Variants in LARGE1 observed in about 807,000 individuals in gnomAD.
The protein encoded by LARGE1 is LARGE xylosyl- and glucuronyltransferase 1, also known as xylosyl- and glucuronyltransferase LARGE1.
LARGE1 carries 43 observed loss-of-function variants against 87.6 expected under a neutral mutation model. That is an observed-to-expected ratio of 0.49 (90% confidence interval 0.38 to 0.63). The LOEUF (loss-of-function observed/expected upper bound fraction) is 0.63. Ranked by LOEUF, LARGE1 falls within the 30% of genes least tolerant of loss-of-function variation. LARGE1 has a pLI of 0.00. For synonymous variants in LARGE1, 434 were observed against 394.6 expected (o/e 1.10, Z -1.18); for missense variants, 802 against 1,000.2 (o/e 0.80, Z 2.67).
At chr22:33,566,557 C>T (rs1265013159) in intron 5 of LARGE1, among the ~76,000 whole-genome samples, 3 of 152,142 alleles carry the variant, frequency 2.0e-5, no homozygotes, top group Non-Finnish European at 4.4e-5. Context: ...TTAAAGGTGG[C>T]GCAGACCCAA....
At chr22:33,308,490 A>G (rs1273795043) in intron 11 of LARGE1, among the ~76,000 whole-genome samples, 1 of 152,224 alleles carries the variant, frequency 6.6e-6, no homozygotes, top group Non-Finnish European at 1.5e-5. Context: ...CCTTTGGTAG[A>G]TTACAAAATA....
chr22:33,583,788 A>G (rs1445309649), intron 5 of LARGE1, among the ~76,000 whole-genome samples: 4 of 152,230 alleles, frequency 2.6e-5, no homozygotes, highest in Non-Finnish European at 5.9e-5. Context: ...TTCAGTACAC[A>G]CATATCTCCC....
intron 2 of LARGE1, chr22:33,733,502 C>T (rs950651294): frequency 1.3e-5 from 2 of 152,172 alleles, no homozygotes; most frequent in Non-Finnish European, 2.9e-5. Flanking sequence ...GACTGCCTGC[C>T]AAAGAGACTC....
chr22:33,452,102 G>A (rs117970561), intron 6 of LARGE1, among the ~76,000 whole-genome samples: 285 of 152,302 alleles, frequency 1.9e-3, no homozygotes, highest in Non-Finnish European at 3.4e-3. Context: ...TTATTGAGAG[G>A]TGACTATACG....
At chr22:33,738,095 A>G (rs1335630075) in intron 2 of LARGE1, among the ~76,000 whole-genome samples, 1 of 152,194 alleles carries the variant, frequency 6.6e-6, no homozygotes, top group East Asian at 1.9e-4. Flanking sequence ...TTACAATAAT[A>G]CATGTATTTC....
chr22:33,501,080 G>A (rs1355775175), intron 6 of LARGE1, among the ~76,000 whole-genome samples: 3 of 152,192 alleles, frequency 2.0e-5, no homozygotes, highest in Non-Finnish European at 4.4e-5. Context: ...ATCAAAGACG[G>A]AGGGTGGAGG....
chr22:33,516,370 C>T (rs1052230269), intron 6 of LARGE1, among the ~76,000 whole-genome samples: 1 of 152,094 alleles, frequency 6.6e-6, no homozygotes, highest in Non-Finnish European at 1.5e-5. Context: ...TTTAGGGACA[C>T]AGGATCTAAA....
chr22:33,555,807 G>A (rs1260048717), intron 6 of LARGE1, among the ~76,000 whole-genome samples: 1 of 151,800 alleles, frequency 6.6e-6, no homozygotes, highest in Admixed American at 6.6e-5. Flanking sequence ...GCACATTCCT[G>A]TAATCCCAGC....
intron 3 of LARGE1, among the ~76,000 whole-genome samples, chr22:33,635,442 C>A (rs1417340271): frequency 6.6e-6 from 1 of 152,156 alleles, no homozygotes; most frequent in Non-Finnish European, 1.5e-5. Flanking sequence ...ACGGTGTTGT[C>A]CTTACTGGAG....
intron 1 of LARGE1, among the ~76,000 whole-genome samples, chr22:33,797,528 T>C (rs1601639497): frequency 6.6e-6 from 1 of 152,148 alleles, no homozygotes; most frequent in African/African-American, 2.4e-5. Context: ...ACTCCAATGA[T>C]GGAGGAGCCA....
At chr22:33,074,553 T>C in the LARGE1 span, among the ~76,000 whole-genome samples, 2 of 152,004 alleles carry the variant, frequency 1.3e-5, no homozygotes, top group African/African-American at 4.8e-5. Context: ...CGCGTGCCTG[T>C]AGTCCCAGCT....
Position 33,277,228 on chromosome 22 carries a change from T to G in LARGE1, c.1905A>C (p.Ala635=). 6.2e-7 allele frequency: 1 copy of G among 1,614,162 alleles called. No individual in the cohort carries two copies. Among genetic ancestry groups the G allele is most frequent in the Non-Finnish European group, 8.5e-7 (1 of 1,180,048 alleles). ...TCCGCCACTTGGCGAAGTTTGTGGG[T>G]GCGTGGCCTTTCGTCCAGACGTGGT... is the stretch of plus-strand genomic sequence containing the variant. ...FRYHVWTKGH[A]PTNFAKWRTA... The change falls in exon 14 of 15, where the codon GCA becomes GCC. Residue 635 remains alanine, a synonymous_variant. Coordinates refer to ENST00000397394, the MANE Select transcript of LARGE1 (RefSeq NM_133642.5).
At chr22:33,383,101 G>T (rs1283169504) in intron 8 of LARGE1, among the ~76,000 whole-genome samples, 1 of 152,118 alleles carries the variant, frequency 6.6e-6, no homozygotes, top group East Asian at 1.9e-4. Flanking sequence ...GAAAAGGAAA[G>T]GGTGAAATGC....
intron 1 of LARGE1, among the ~76,000 whole-genome samples, chr22:33,766,907 CATATACATATATATATAT>C (rs1245572706): frequency 4.3e-5 from 3 of 69,806 alleles, no homozygotes; most frequent in Non-Finnish European, 9.0e-5. Flanking sequence ...CTAATTTAAA[CATATACATATATATATAT>C]ATATATATAT....
At chr22:33,465,695 C>T (rs1226926785) in intron 6 of LARGE1, among the ~76,000 whole-genome samples, 1 of 152,196 alleles carries the variant, frequency 6.6e-6, no homozygotes, top group Non-Finnish European at 1.5e-5. Context: ...CTGCATTCTA[C>T]ACTTGTTTGC....
intron 11 of LARGE1, among the ~76,000 whole-genome samples, chr22:33,253,908 GTT>G (rs536060752): frequency 2.1e-5 from 3 of 143,218 alleles, no homozygotes; most frequent in Non-Finnish European, 3.0e-5. Flanking sequence ...TTCCTTCTTG[GTT>G]TTTTTTTTTT....
exon 12 of LARGE1, chr22:33,166,386 A>C (rs1922269625): frequency 1.0e-5 from 2 of 198,850 alleles, no homozygotes; most frequent in Admixed American, 5.8e-5. Flanking sequence ...GTACCACCTC[A>C]ATCTTACCAC....
chr22:33,612,028 CA>C (rs1375411512), intron 4 of LARGE1, among the ~76,000 whole-genome samples: 6 of 152,204 alleles, frequency 3.9e-5, no homozygotes, highest in Non-Finnish European at 7.3e-5. Flanking sequence ...CAGATGCTGG[CA>C]CCATGCTTGT....
intron 11 of LARGE1, among the ~76,000 whole-genome samples, chr22:33,192,262 T>G (rs1923823660): frequency 6.6e-6 from 1 of 152,198 alleles, no homozygotes; most frequent in Non-Finnish European, 1.5e-5. Context: ...CCGAAAGGTG[T>G]TTTGATGAAT....
Sources: allele counts gnomAD v4.1 joint callset (sites outside exome capture counted in the v4.1 genomes callset), GRCh38; gene constraint gnomAD v4.1.1; transcripts MANE v1.5; gene names NCBI Gene and HGNC (gene_info 2026-07-23, HGNC 2026-07-21).